Variants in WWOX observed in about 807,000 individuals in gnomAD.
WWOX encodes the protein WW domain containing oxidoreductase, also known as WW domain-containing oxidoreductase.
In WWOX, 69 loss-of-function variants were observed where a neutral mutation model predicts 46.2. The ratio of observed to expected loss-of-function variants is 1.49; its 90% confidence interval spans 1.23 to 1.82. The LOEUF is 1.82. WWOX is among the 40% of genes most tolerant of loss of function. The pLI is 0.00. For synonymous variants in WWOX, 359 were observed against 202.6 expected (o/e 1.77, Z -6.56); for missense variants, 919 against 542.6 (o/e 1.69, Z -6.89).
chr16:78,100,883 C>T (rs749201674), intron 1 of WWOX, among the ~76,000 whole-genome samples: 1 of 152,078 alleles, frequency 6.6e-6, no homozygotes, highest in Non-Finnish European at 1.5e-5. Context: ...CATAGAGAAC[C>T]TACTGTAGCC....
At chr16:78,718,514 A>G (rs2048620134) in intron 8 of WWOX, among the ~76,000 whole-genome samples, 1 of 152,168 alleles carries the variant, frequency 6.6e-6, no homozygotes, top group South Asian at 2.1e-4. Flanking sequence ...ATAAAAATGA[A>G]TTTGCCAGTC....
chr16:78,816,502 C>CTTTTTTTTTTTTTT lies in WWOX; in HGVS notation c.1056+383767_1056+383780dup, dbSNP rs55814418. 1.2e-4 allele frequency among the ~76,000 whole-genome samples: 5 copies of CTTTTTTTTTTTTTT among 42,088 alleles called. 1 individual carries two copies. The highest frequency in any genetic ancestry group is 1.3e-4 in the Non-Finnish European group (3 of 23,764). The allele number at this position is 42,088 out of a possible 152,430, so 27.6% of individuals were successfully genotyped here. On this transcript the variant is annotated intron_variant, in intron 8 of 8. Coordinates refer to ENST00000566780, the MANE Select transcript of WWOX (RefSeq NM_016373.4). ...ATCTACCAGACAAGAAGGAGCCACTCTTTTTTTTTTTTTTTTTTTTTTTTT... is the reference window on the plus strand; with the variant it reads ...ATCTACCAGACAAGAAGGAGCCACTCTTTTTTTTTTTTTTTTTTTTTTTTTTTTTTTTTTTTTTT...
intron 8 of WWOX, among the ~76,000 whole-genome samples, chr16:78,766,992 T>C (rs566907796): frequency 6.6e-6 from 1 of 152,326 alleles, no homozygotes; most frequent in Admixed American, 6.5e-5. Flanking sequence ...TCTGCATCTA[T>C]GAAATTGTTT....
At chr16:78,809,263 A>AT (rs1238664940) in intron 8 of WWOX, among the ~76,000 whole-genome samples, 2 of 146,676 alleles carry the variant, frequency 1.4e-5, no homozygotes, top group East Asian at 4.3e-4. Context: ...TAGAAGTTAG[A>AT]TTTTTTTAGG....
At chr16:78,155,986 A>G (rs931103764) in intron 4 of WWOX, among the ~76,000 whole-genome samples, 1 of 152,214 alleles carries the variant, frequency 6.6e-6, no homozygotes, top group Non-Finnish European at 1.5e-5. Context: ...TGAAATAGCC[A>G]CGCTTTGTTT....
chr16:78,952,982 G>GA (rs1251320600), intron 8 of WWOX, among the ~76,000 whole-genome samples: 3 of 151,282 alleles, frequency 2.0e-5, no homozygotes, highest in African/African-American at 7.3e-5. Flanking sequence ...CAATGCTCAT[G>GA]AAAAATCACG....
chr16:78,232,856 T>TTTTC (rs1567444967), intron 5 of WWOX, among the ~76,000 whole-genome samples: 54 of 98,442 alleles, frequency 5.5e-4, no homozygotes, highest in African/African-American at 1.5e-3. Flanking sequence ...CTTTTCTTTT[T>TTTTC]TTTTAAGATG....
At chr16:78,200,671 G>T (rs1005255107) in intron 5 of WWOX, among the ~76,000 whole-genome samples, 21 of 145,686 alleles carry the variant, frequency 1.4e-4, no homozygotes, top group African/African-American at 4.9e-4. Flanking sequence ...TATCTGTAGA[G>T]CTGGATTAAT....
chr16:78,843,795 T>A (rs2052224940), intron 8 of WWOX, among the ~76,000 whole-genome samples: 1 of 152,214 alleles, frequency 6.6e-6, no homozygotes, highest in South Asian at 2.1e-4. Context: ...TTATGTTTTT[T>A]AAAATAAGTT....
At chr16:78,102,908 C>G (rs900935030) in intron 1 of WWOX, among the ~76,000 whole-genome samples, 1 of 152,204 alleles carries the variant, frequency 6.6e-6, no homozygotes, top group Non-Finnish European at 1.5e-5. Flanking sequence ...CACTGGGCCC[C>G]AGAGTACAAA....
chr16:78,925,086 T>G (rs1414155905), intron 8 of WWOX, among the ~76,000 whole-genome samples: 1 of 152,100 alleles, frequency 6.6e-6, no homozygotes, highest in Non-Finnish European at 1.5e-5. Context: ...TCCCAGTTAC[T>G]GGGGAGGCTG....
intron 5 of WWOX, among the ~76,000 whole-genome samples, chr16:78,286,407 A>C (rs141458666): frequency 4.3e-4 from 66 of 152,324 alleles, no homozygotes; most frequent in Middle Eastern, 6.8e-3. Context: ...TAGTATTGTT[A>C]GACTTAGCTG....
At chr16:78,283,649 G>A (rs1016773174) in intron 5 of WWOX, among the ~76,000 whole-genome samples, 3 of 151,408 alleles carry the variant, frequency 2.0e-5, no homozygotes, top group Admixed American at 6.6e-5. Flanking sequence ...TTTAGAAAAC[G>A]TATTTACATG....
rs1302377718 is a variant in WWOX at position 78,504,379 on chromosome 16, C to T, written c.1056+71627C>T. Among the ~76,000 whole-genome samples the T allele has an allele frequency of 2.0e-5, 3 of 152,224 alleles. No individual in the cohort carries two copies. The East Asian group carries it at 5.8e-4, about 29-fold the overall frequency. ...TTCTGAGATTCACATATGTAGATTA[C>T]ATTGTTATGAACCAACATTTATAAG... On this transcript the variant is annotated intron_variant, in intron 8 of 8. Transcript: ENST00000566780.
At chr16:78,682,513 T>C (rs535725121) in intron 8 of WWOX, among the ~76,000 whole-genome samples, 13 of 151,684 alleles carry the variant, frequency 8.6e-5, no homozygotes, top group Admixed American at 1.3e-4. Flanking sequence ...AGCCCAGGAG[T>C]TGGAGGCTGC....
chr16:78,616,452 C>T (rs182741866), intron 8 of WWOX, among the ~76,000 whole-genome samples: 16 of 151,742 alleles, frequency 1.1e-4, no homozygotes, highest in Admixed American at 5.9e-4. Flanking sequence ...AGGCAACTCT[C>T]TGGGGTATCT....
At chr16:78,277,183 A>G (rs1329219641) in intron 5 of WWOX, among the ~76,000 whole-genome samples, 1 of 152,182 alleles carries the variant, frequency 6.6e-6, no homozygotes, top group African/African-American at 2.4e-5. Flanking sequence ...TTGAAGTAGC[A>G]ATTTGAAAGG....
At chr16:78,911,161 A>G (rs1255673674) in intron 8 of WWOX, among the ~76,000 whole-genome samples, 4 of 151,908 alleles carry the variant, frequency 2.6e-5, no homozygotes, top group Admixed American at 2.6e-4. Context: ...TCAGAGTGGA[A>G]GGTGGCCCTC....
intron 1 of WWOX, among the ~76,000 whole-genome samples, chr16:78,104,344 C>T (rs892204775): frequency 7.2e-5 from 10 of 138,202 alleles, no homozygotes; most frequent in Admixed American, 2.1e-4. Flanking sequence ...CGCACGCACG[C>T]ACGCATGCAC....
Sources: allele counts gnomAD v4.1 joint callset (sites outside exome capture counted in the v4.1 genomes callset), GRCh38; gene constraint gnomAD v4.1.1; transcripts MANE v1.5; gene names NCBI Gene and HGNC (gene_info 2026-07-23, HGNC 2026-07-21).